Variants in METTL15 observed in about 807,000 individuals in gnomAD.
METTL15 encodes methyltransferase 15, mitochondrial 12S rRNA N4-cytidine.
In METTL15, 34 loss-of-function variants were observed where a neutral mutation model predicts 38.3. The ratio of observed to expected loss-of-function variants is 0.89; its 90% confidence interval spans 0.68 to 1.18. METTL15 has a LOEUF of 1.18. Among genes scored for constraint, METTL15 ranks in the 50% most tolerant of loss-of-function variants. The pLI is 0.00. For synonymous variants in METTL15, 162 were observed against 170.9 expected (o/e 0.95, Z 0.41); for missense variants, 438 against 498.4 (o/e 0.88, Z 1.15).
chr11:28,387,332 A>G (rs1369562200), intron 5 of METTL15, among the ~76,000 whole-genome samples: 6 of 151,956 alleles, frequency 3.9e-5, no homozygotes, highest in Non-Finnish European at 8.8e-5. Context: ...TGATCAAATA[A>G]CAAACACCAG....
chr11:28,237,008 G>A (rs530179556), intron 4 of METTL15, among the ~76,000 whole-genome samples: 3 of 152,220 alleles, frequency 2.0e-5, no homozygotes, highest in East Asian at 3.9e-4. Flanking sequence ...TGGGTAACCC[G>A]ATCTTTCTCT....
At chr11:28,291,681 C>T (rs958302222) in intron 5 of METTL15, among the ~76,000 whole-genome samples, 1 of 152,048 alleles carries the variant, frequency 6.6e-6, no homozygotes, top group Non-Finnish European at 1.5e-5. Flanking sequence ...TAATAAAAAT[C>T]CTTTAAAAAC....
intron 6 of METTL15, among the ~76,000 whole-genome samples, chr11:28,521,008 C>A (rs1851760457): frequency 6.6e-6 from 1 of 151,820 alleles, no homozygotes. Context: ...ACAAAACTAT[C>A]AAACTTCTTT....
At chr11:28,172,149 TG>T (rs780773690) in intron 3 of METTL15, among the ~76,000 whole-genome samples, 4 of 152,250 alleles carry the variant, frequency 2.6e-5, no homozygotes, top group Non-Finnish European at 5.9e-5. Flanking sequence ...TTAATATTTC[TG>T]ATTCAGGAAT....
intron 4 of METTL15, among the ~76,000 whole-genome samples, chr11:28,272,220 A>G (rs1291035881): frequency 1.3e-5 from 2 of 152,212 alleles, no homozygotes; most frequent in Admixed American, 6.5e-5. Context: ...ATTACTGGGT[A>G]TATACCCAAA....
At chr11:28,438,705 C>T (rs1359760326) in intron 6 of METTL15, among the ~76,000 whole-genome samples, 13 of 131,568 alleles carry the variant, frequency 9.9e-5, no homozygotes, top group East Asian at 2.2e-4. Context: ...GACAGAGTCT[C>T]GCTCTGTCGC....
rs1240979117 is a variant in METTL15 at position 28,394,506 on chromosome 11, G to C, written c.*359-29793G>C. On this transcript the variant is annotated intron_variant and NMD_transcript_variant, in intron 5 of 7. Coordinates refer to the METTL15 transcript ENST00000532947. Reference sequence around the variant, plus strand: ...GGAGGGGGGTGGAAGTTATAAAAAGGAGTGTGGTCTTGGAGGTGGCAGAGA... The same window carrying C: ...GGAGGGGGGTGGAAGTTATAAAAAGCAGTGTGGTCTTGGAGGTGGCAGAGA... 2.0e-5 allele frequency among the ~76,000 whole-genome samples: 3 copies of C among 152,052 alleles called. No individual in the cohort carries two copies. In the East Asian group the frequency reaches 5.8e-4, roughly 29 times the overall value.
intron 5 of METTL15, chr11:28,362,077 C>G (rs1324433280): frequency 6.6e-6 from 1 of 152,138 alleles, no homozygotes; most frequent in African/African-American, 2.4e-5. Flanking sequence ...TATTGACCCT[C>G]AGTAATGGTA....
At chr11:28,474,401 AAT>A (rs1851328014) in intron 6 of METTL15, among the ~76,000 whole-genome samples, 1 of 152,144 alleles carries the variant, frequency 6.6e-6, no homozygotes, top group African/African-American at 2.4e-5. Context: ...ATTGTTGAAA[AAT>A]ATGAGCAAGC....
At chr11:28,327,779 AT>A in intron 6 of METTL15, 1 of 229,110 alleles carries the variant, frequency 4.4e-6, no homozygotes. Context: ...CTATTTTGTT[AT>A]TTTTTTGGTT....
At chr11:28,398,051 G>A (rs1850591067) in intron 5 of METTL15, among the ~76,000 whole-genome samples, 1 of 151,816 alleles carries the variant, frequency 6.6e-6, no homozygotes, top group Non-Finnish European at 1.5e-5. Flanking sequence ...AGAACACTTG[G>A]ACCAGGAAGG....
rs1374503461 is a variant in METTL15, at chr11:28,110,308, G to C, written c.-111G>C. ...TCCTTACAAGTTTCCCCCAGGGGCAGGACCTAGACGCGCGGCGCATTCAGG... is the reference window on the plus strand; with the variant it reads ...TCCTTACAAGTTTCCCCCAGGGGCACGACCTAGACGCGCGGCGCATTCAGG... On this transcript the variant is annotated 5_prime_UTR_variant, in exon 2 of 7. Coordinates refer to ENST00000407364, the MANE Select transcript of METTL15 (RefSeq NM_001113528.2). The C allele has an allele frequency of 6.6e-6, 1 of 152,206 alleles. No homozygotes were observed. Among genetic ancestry groups the C allele is most frequent in the Non-Finnish European group, 1.5e-5 (1 of 68,070 alleles). The allele number at this position is 152,206 out of a possible 1,614,324, so 9.4% of individuals were successfully genotyped here.
intron 5 of METTL15, among the ~76,000 whole-genome samples, chr11:28,420,222 A>T (rs1590368153): frequency 6.6e-6 from 1 of 152,312 alleles, no homozygotes; most frequent in African/African-American, 2.4e-5. Flanking sequence ...TATATAAAAC[A>T]AATACCATTA....
chr11:28,310,858 A>T (rs558318204), intron 6 of METTL15, among the ~76,000 whole-genome samples: 1 of 141,398 alleles, frequency 7.1e-6, no homozygotes, highest in African/African-American at 2.6e-5. Flanking sequence ...AAATATTTTC[A>T]TCTTTAAGAC....
chr11:28,245,762 G>T (rs915880644), intron 4 of METTL15, among the ~76,000 whole-genome samples: 15 of 152,128 alleles, frequency 9.9e-5, no homozygotes, highest in African/African-American at 3.6e-4. Flanking sequence ...CAGTCATGGC[G>T]AAAGGTGAAG....
At chr11:28,322,278 AG>A (rs1485434288) in intron 6 of METTL15, among the ~76,000 whole-genome samples, 1 of 152,120 alleles carries the variant, frequency 6.6e-6, no homozygotes, top group Admixed American at 6.5e-5. Context: ...AGTTGACAAA[AG>A]GTTAATATCC....
intron 6 of METTL15, among the ~76,000 whole-genome samples, chr11:28,511,191 C>A (rs1851670895): frequency 1.3e-5 from 2 of 152,274 alleles, no homozygotes; most frequent in South Asian, 2.1e-4. Context: ...GGGGTGCTGA[C>A]CCCCTGCGTA....
At chr11:28,231,788 A>T (rs886520817) in intron 4 of METTL15, among the ~76,000 whole-genome samples, 1 of 151,890 alleles carries the variant, frequency 6.6e-6, no homozygotes, top group Non-Finnish European at 1.5e-5. Flanking sequence ...ATTTGATTTA[A>T]ATTTTTCTCT....
chr11:28,435,653 TC>T (rs376122425), intron 6 of METTL15, among the ~76,000 whole-genome samples: 151 of 152,320 alleles, frequency 9.9e-4, no homozygotes, highest in African/African-American at 1.9e-3. Context: ...AATTCTTTTT[TC>T]CTCCAGGCTG....
Sources: allele counts gnomAD v4.1 joint callset (sites outside exome capture counted in the v4.1 genomes callset), GRCh38; gene constraint gnomAD v4.1.1; transcripts MANE v1.5; gene names NCBI Gene and HGNC (gene_info 2026-07-23, HGNC 2026-07-21).